Variants in TERT observed in about 807,000 individuals in gnomAD.
TERT encodes telomerase catalytic subunit.
Under a neutral mutation model 104.0 loss-of-function variants are expected in TERT, and 42 were observed. That is an observed-to-expected ratio of 0.40 (90% confidence interval 0.32 to 0.52). TERT has a LOEUF of 0.52. Ranked by LOEUF, TERT falls within the 20% of genes least tolerant of loss-of-function variation. The pLI is 0.43. For synonymous variants in TERT, 781 were observed against 725.6 expected, an observed-to-expected ratio of 1.08 and a Z score of -1.23; for missense variants, 1,101 against 1,610.3, an observed-to-expected ratio of 0.68 and a Z score of 5.41.
chr5:1,291,064 T>C (rs1184083010), intron 2 of TERT, among the ~76,000 whole-genome samples: 1 of 125,180 alleles, frequency 8.0e-6, no homozygotes, highest in Admixed American at 7.8e-5. Context: ...GGACAGTGCC[T>C]CACTCACCCT....
At position 1,295,044 on chromosome 5, in the gene TERT, C is replaced by T. The variant is rs1170722663; in HGVS notation, c.-55G>A. The T allele has an allele frequency of 1.7e-6, 2 of 1,193,540 alleles. No individual in the cohort carries two copies. The highest frequency in any genetic ancestry group is 1.6e-5 in the African/African-American group (1 of 63,250). The allele number at this position is 1,193,540 out of a possible 1,614,324, so 73.9% of individuals were successfully genotyped here. A position where few individuals can be genotyped will look rare whatever the true frequency, so the allele number is the denominator to read the frequency against. ...ACGTGCGCAGCAGGACGCAGCGCTG[C>T]CTGAAACTCGCGCCGCGAGGAGAGG... On this transcript the variant is annotated 5_prime_UTR_variant, in exon 1 of 16. Transcript: ENST00000310581.
Position 1,272,371 on chromosome 5 carries a change from T to C in TERT, c.2287-91A>G, listed in dbSNP as rs1749111617. The C allele has an allele frequency of 6.9e-6, 8 of 1,155,678 alleles. No homozygotes were observed. The East Asian group carries it at 1.8e-4, about 26-fold the overall frequency. The allele number at this position is 1,155,678 out of a possible 1,614,324, so 71.6% of individuals were successfully genotyped here. On this transcript the variant is annotated intron_variant, in intron 6 of 15. Coordinates refer to ENST00000310581, the MANE Select transcript of TERT (RefSeq NM_198253.3). ...TTCTTCCGATCAGGACGTGTGGACCTGCGGCCAAGCCCGATGGCGGGATGA... is the reference window on the plus strand; with the variant it reads ...TTCTTCCGATCAGGACGTGTGGACCCGCGGCCAAGCCCGATGGCGGGATGA...
chr5:1,285,828 A>G (rs1750445167), intron 2 of TERT, among the ~76,000 whole-genome samples: 1 of 151,896 alleles, frequency 6.6e-6, no homozygotes, highest in African/African-American at 2.4e-5. Flanking sequence ...TTGGCCTCCC[A>G]AAGTGCTGGG....
At chr5:1,264,363 C>T in intron 11 of TERT, 41 bp downstream of exon 11, 9 of 1,579,420 alleles carry the variant, frequency 5.7e-6, no homozygotes, top group South Asian at 1.1e-5. Context: ...AGCACCTGCC[C>T]CAGCCGGGCA....
rs564022950 is a variant in TERT, at chr5:1,257,359, A to G, written c.3032+1239T>C. ...CTCATCATGGCCCAAGGAGGCCCCA[A>G]GCACGCCAGCTGGACCCTGGGGTCA... On this transcript the variant is annotated intron_variant, in intron 13 of 15. Coordinates refer to ENST00000310581, the MANE Select transcript of TERT (RefSeq NM_198253.3). This position sits in a 1 kb window ranked among gnomAD's most constrained non-coding sequence, Gnocchi z 5.6. Among the ~76,000 whole-genome samples, 4 of 152,256 alleles carry G rather than the reference A, an allele frequency of 2.6e-5. No homozygotes were observed. Among genetic ancestry groups the G allele is most frequent in the African/African-American group, 9.6e-5 (4 of 41,568 alleles).
chr5:1,258,349 G>A (rs1747899720), intron 13 of TERT, among the ~76,000 whole-genome samples: 2 of 152,246 alleles, frequency 1.3e-5, no homozygotes, highest in Non-Finnish European at 2.9e-5. Context: ...GACGTCCCAC[G>A]GCCAGTGCAC....
chr5:1,266,311 G>A (rs558272113), intron 10 of TERT, 153 bp downstream of exon 10: 10 of 778,456 alleles, frequency 1.3e-5, no homozygotes, highest in South Asian at 7.6e-5. Context: ...CTGGGTGCAC[G>A]GCCAAGCGCC....
intron 6 of TERT, among the ~76,000 whole-genome samples, chr5:1,275,051 C>A (rs1749451648): frequency 6.6e-6 from 1 of 152,198 alleles, no homozygotes; most frequent in African/African-American, 2.4e-5. Flanking sequence ...CTGCAGGCAG[C>A]TATCGCTGCA....
chr5:1,280,351 G>GC lies in TERT; in HGVS notation c.1770-14dup, dbSNP rs758213801. 2 of 1,611,432 alleles carry GC rather than the reference G, an allele frequency of 1.2e-6. No individual in the cohort carries two copies. The highest frequency in any genetic ancestry group is 2.7e-5 in the African/African-American group (2 of 74,908). On this transcript the variant is annotated splice_polypyrimidine_tract_variant and intron_variant, in intron 3 of 15. Coordinates refer to ENST00000310581, the MANE Select transcript of TERT (RefSeq NM_198253.3). The stretch of plus-strand genomic sequence containing the variant: ...CTTCAAGTGCTGTCTGCAATAGAGA[G>GC]CCCCTCAGGAGGCTTGCTCAGCCAG...
At position 1,269,088 on chromosome 5, in the gene TERT, G is replaced by A. The variant is rs928976595; in HGVS notation, c.2469-455C>T. 6.6e-6 allele frequency among the ~76,000 whole-genome samples: 1 copy of A among 151,836 alleles called. No homozygotes were observed. The highest frequency in any genetic ancestry group is 2.4e-5 in the African/African-American group (1 of 41,324). ...CTAGTTTCAGCATGACCAACGAGAA[G>A]CAGAAACTCTCCAAACAAGGATGCC... is the stretch of plus-strand genomic sequence containing the variant. On this transcript the variant is annotated intron_variant, in intron 8 of 15. Coordinates refer to ENST00000310581, the MANE Select transcript of TERT (RefSeq NM_198253.3). The surrounding 1 kb of genome is among the most constrained non-coding windows in gnomAD (Gnocchi z 9.0).
chr5:1,268,494 C>T lies in TERT; in HGVS notation c.2582+26G>A, dbSNP rs1260411741. The T allele has an allele frequency of 1.9e-6, 3 of 1,584,452 alleles. No individual in the cohort carries two copies. The highest frequency in any genetic ancestry group is 1.7e-5 in the Admixed American group (1 of 59,866). On this transcript the variant is annotated intron_variant, in intron 9 of 15. Transcript: ENST00000310581. The surrounding 1 kb of genome is among the most constrained non-coding windows in gnomAD (Gnocchi z 5.5). The stretch of plus-strand genomic sequence containing the variant: ...AAAAGCAAATCAACCCCCACCCAAG[C>T]CCCCCTGGGGAAGAGGAGGCCTCAC...
rs1181867788 is a variant in TERT, at chr5:1,288,477, G to A, written c.1573+4836C>T. Among the ~76,000 whole-genome samples the A allele has an allele frequency of 6.6e-6, 1 of 152,220 alleles. No homozygotes were observed. Among genetic ancestry groups the A allele is most frequent in the Non-Finnish European group, 1.5e-5 (1 of 68,044 alleles). On this transcript the variant is annotated intron_variant, in intron 2 of 15. Transcript: ENST00000310581. This position sits in a 1 kb window ranked among gnomAD's most constrained non-coding sequence, Gnocchi z 5.3. ...CACGTGGGTCTCAGAGCAGGAGACAGACAGAGACACTCCAACCTGTGGCTG... is the reference window on the plus strand; with the variant it reads ...CACGTGGGTCTCAGAGCAGGAGACAAACAGAGACACTCCAACCTGTGGCTG...
At position 1,287,037 on chromosome 5, in the gene TERT, C is replaced by T. The variant is rs577571738; in HGVS notation, c.1574-4413G>A. 2.6e-5 allele frequency among the ~76,000 whole-genome samples: 4 copies of T among 152,164 alleles called. No individual in the cohort carries two copies. Among genetic ancestry groups the T allele is most frequent in the East Asian group, 1.9e-4 (1 of 5,176 alleles). On this transcript the variant is annotated intron_variant, in intron 2 of 15. Coordinates refer to ENST00000310581, the MANE Select transcript of TERT (RefSeq NM_198253.3). This position sits in a 1 kb window ranked among gnomAD's most constrained non-coding sequence, Gnocchi z 4.3. ...CAAGAGGTGGTGAGAAACAAGGGAA[C>T]GAGGACATGCAACAGGCAAGTGGAG...
rs536269590 is a variant in TERT, at chr5:1,286,308, C to T, written c.1574-3684G>A. Among the ~76,000 whole-genome samples the T allele has an allele frequency of 1.4e-3, 210 of 152,234 alleles. No individual in the cohort carries two copies. The highest frequency in any genetic ancestry group is 2.7e-3 in the Admixed American group (42 of 15,292). ...CAGCAATAACAAGACAGAAGAACCA[C>T]GCAAAGGACAAGGAAGGGGACCCCA... On this transcript the variant is annotated intron_variant, in intron 2 of 15. Coordinates refer to ENST00000310581, the MANE Select transcript of TERT (RefSeq NM_198253.3). This position sits in a 1 kb window ranked among gnomAD's most constrained non-coding sequence, Gnocchi z 5.3.
rs547608897 is a variant in TERT, at chr5:1,255,840, T to C, written c.3033-429A>G. Reference sequence around the variant, plus strand: ...ACCTTGATGTCATCGTATATCAACGTCCTGCGCATCCCTTCTGAGCCACCC... The same window carrying C: ...ACCTTGATGTCATCGTATATCAACGCCCTGCGCATCCCTTCTGAGCCACCC... On this transcript the variant is annotated intron_variant, in intron 13 of 15. Coordinates refer to ENST00000310581, the MANE Select transcript of TERT (RefSeq NM_198253.3). This position sits in a 1 kb window ranked among gnomAD's most constrained non-coding sequence, Gnocchi z 6.9. Among the ~76,000 whole-genome samples, 1 of 152,234 alleles carries C rather than the reference T, an allele frequency of 6.6e-6. No individual in the cohort carries two copies. Among genetic ancestry groups the C allele is most frequent in the East Asian group, 1.9e-4 (1 of 5,172 alleles).
In TERT at chr5:1,294,076, G is replaced by A. The variant is rs369812320; in HGVS notation, c.810C>T (p.Phe270=). The change falls in exon 2 of 16, where the codon TTC becomes TTT. Residue 270 remains phenylalanine (F), a synonymous_variant. Coordinates refer to ENST00000310581, the MANE Select transcript of TERT (RefSeq NM_198253.3). ...GRTRGPSDRG[F]CVVSPARPAE... is the part of the protein sequence containing the mutation. The stretch of plus-strand genomic sequence containing the variant: ...CGGGTCTGGCAGGTGACACCACACA[G>A]AAACCACGGTCACTCGGTCCACGCG... 4.0e-5 allele frequency: 64 copies of A among 1,591,532 alleles called. No homozygotes were observed. The highest frequency in any genetic ancestry group is 5.2e-5 in the Admixed American group (3 of 57,988).
intron 2 of TERT, among the ~76,000 whole-genome samples, chr5:1,289,358 T>G (rs1165808623): frequency 1.9e-4 from 25 of 131,306 alleles, no homozygotes; most frequent in Admixed American, 1.4e-3. Context: ...ACCCTACACG[T>G]GACAGGGACA....
At position 1,269,899 on chromosome 5, in the gene TERT, A is replaced by G. The variant is rs1458106042; in HGVS notation, c.2468+1220T>C. On this transcript the variant is annotated intron_variant, in intron 8 of 15. Transcript: ENST00000310581. The surrounding 1 kb of genome is among the most constrained non-coding windows in gnomAD (Gnocchi z 9.0). ...CTTCGGGCCTGTCCGTGTCCTAGGG[A>G]CAGGACAGACACAGTCACCTCCTGT... Among the ~76,000 whole-genome samples the G allele has an allele frequency of 6.6e-6, 1 of 152,130 alleles. No homozygotes were observed. The highest frequency in any genetic ancestry group is 1.5e-5 in the Non-Finnish European group (1 of 68,020).
At chr5:1,290,551 GAC>G (rs1750836599) in intron 2 of TERT, among the ~76,000 whole-genome samples, 1 of 64,216 alleles carries the variant, frequency 1.6e-5, no homozygotes, top group Non-Finnish European at 2.8e-5. Context: ...GACACCCGGG[GAC>G]GGTGCCTCAC....
Sources: gnomAD v4.1 joint callset for allele counts (sites outside exome capture counted in the v4.1 genomes callset) on GRCh38, gnomAD v4.1.1 for gene constraint, Gnocchi (gnomAD v3.1) non-coding constraint, MANE v1.5 for transcripts, NCBI Gene and HGNC (gene_info 2026-07-23, HGNC 2026-07-21) for gene names.